Variants in USH2A observed in about 807,000 individuals in gnomAD.
USH2A encodes Usher syndrome 2A (autosomal recessive, mild).
USH2A carries 443 observed loss-of-function variants against 538.9 expected under a neutral mutation model. The observed-to-expected ratio is 0.82, with a 90% CI of 0.76 to 0.89. The LOEUF (loss-of-function observed/expected upper bound fraction) is 0.89, where lower values mean the gene tolerates loss of function less well. USH2A is among the 40% of genes least tolerant of loss of function. The pLI is 0.00. For synonymous variants in USH2A, 2,413 were observed against 2,273.5 expected (o/e 1.06, Z -1.75); for missense variants, 6,633 against 6,324.8 (o/e 1.05, Z -1.65).
At chr1:216,389,208 A>G (rs2039056944) in intron 3 of USH2A, among the ~76,000 whole-genome samples, 1 of 152,192 alleles carries the variant, frequency 6.6e-6, no homozygotes, top group Non-Finnish European at 1.5e-5. Context: ...GTGGGAGCAA[A>G]ACAAAAAAAG....
At chr1:216,214,653 T>C (rs73098629) in intron 15 of USH2A, among the ~76,000 whole-genome samples, 7 of 152,134 alleles carry the variant, frequency 4.6e-5, no homozygotes, top group African/African-American at 1.7e-4. Flanking sequence ...TTTACTAAAA[T>C]CCATCAAACC....
chr1:215,821,194 C>T (rs1415402813), intron 47 of USH2A, among the ~76,000 whole-genome samples: 1 of 151,784 alleles, frequency 6.6e-6, no homozygotes, highest in Admixed American at 6.6e-5. Flanking sequence ...TACAAATTTA[C>T]ATTCCCACCA....
chr1:216,024,139 A>C (rs1223534812), intron 32 of USH2A, among the ~76,000 whole-genome samples: 1 of 152,114 alleles, frequency 6.6e-6, no homozygotes, highest in Non-Finnish European at 1.5e-5. Flanking sequence ...AACTTTAAAT[A>C]ATATTGGATG....
At chr1:216,126,959 T>C (rs373784606) in intron 21 of USH2A, among the ~76,000 whole-genome samples, 1 of 152,210 alleles carries the variant, frequency 6.6e-6, no homozygotes, top group African/African-American at 2.4e-5. Flanking sequence ...GATGATTCCA[T>C]AGAAATTTAT....
intron 44 of USH2A, among the ~76,000 whole-genome samples, chr1:215,853,132 T>A (rs1664062837): frequency 6.6e-6 from 1 of 152,242 alleles, no homozygotes; most frequent in South Asian, 2.1e-4. Flanking sequence ...TATCTGGATA[T>A]CCAGGTGTTT....
At chr1:216,111,340 G>A (rs947522548) in intron 21 of USH2A, among the ~76,000 whole-genome samples, 4 of 152,142 alleles carry the variant, frequency 2.6e-5, no homozygotes, top group African/African-American at 9.7e-5. Context: ...GTTGAGACGA[G>A]GATGAAAGGT....
intron 55 of USH2A, among the ~76,000 whole-genome samples, chr1:215,775,368 A>G (rs1476020653): frequency 1.3e-5 from 2 of 152,160 alleles, no homozygotes; most frequent in Non-Finnish European, 2.9e-5. Flanking sequence ...TGCGATTTAG[A>G]TACGTTTGAC....
intron 32 of USH2A, among the ~76,000 whole-genome samples, chr1:216,011,211 T>A (rs1263072159): frequency 6.6e-6 from 1 of 152,168 alleles, no homozygotes; most frequent in Non-Finnish European, 1.5e-5. Context: ...CTATCCTCAA[T>A]ACCTCCCTCC....
chr1:215,774,746 T>A (rs914240110), intron 55 of USH2A, among the ~76,000 whole-genome samples: 1 of 152,000 alleles, frequency 6.6e-6, no homozygotes, highest in Non-Finnish European at 1.5e-5. Context: ...AAAACAGAAC[T>A]AGTATCTGGC....
intron 21 of USH2A, among the ~76,000 whole-genome samples, chr1:216,111,102 T>A (rs1334501246): frequency 1.3e-5 from 2 of 152,146 alleles, no homozygotes; most frequent in East Asian, 3.9e-4. Context: ...GGCACACTTG[T>A]AATCCCAGCT....
intron 30 of USH2A, among the ~76,000 whole-genome samples, chr1:216,062,384 T>A (rs936321807): frequency 6.6e-6 from 1 of 151,970 alleles, no homozygotes; most frequent in Admixed American, 6.6e-5. Context: ...ACTAGAAGAA[T>A]TAAAAATCAT....
intron 21 of USH2A, among the ~76,000 whole-genome samples, chr1:216,120,299 CCAAGGTGGATGGATCAT>C (rs201785112): frequency 0.015 from 2,231 of 146,744 alleles, 28 homozygotes; most frequent in Non-Finnish European, 0.024. Flanking sequence ...CTTTGGGAGG[CCAAGGTGGATGGATCAT>C]CTGAGGTCAG....
At chr1:215,753,783 C>T (rs982552382) in intron 58 of USH2A, among the ~76,000 whole-genome samples, 1 of 151,872 alleles carries the variant, frequency 6.6e-6, no homozygotes, top group African/African-American at 2.4e-5. Flanking sequence ...GCACGTTGTG[C>T]ACATGTACCC....
intron 39 of USH2A, among the ~76,000 whole-genome samples, chr1:215,900,424 A>G (rs896449686): frequency 2.0e-5 from 3 of 152,166 alleles, no homozygotes; most frequent in African/African-American, 7.2e-5. Flanking sequence ...AAATCCTAGT[A>G]GTATTGAGAC....
chr1:215,884,575 T>A (rs1387826216), intron 41 of USH2A, among the ~76,000 whole-genome samples: 2 of 152,248 alleles, frequency 1.3e-5, no homozygotes, highest in African/African-American at 4.8e-5. Context: ...TAGTAAGAAT[T>A]AAATGAAAGC....
At chr1:216,178,154 T>G (rs1360320409) in intron 20 of USH2A, among the ~76,000 whole-genome samples, 1 of 152,222 alleles carries the variant, frequency 6.6e-6, no homozygotes, top group Non-Finnish European at 1.5e-5. Context: ...GGTTCTATTT[T>G]AACTTTTAGT....
chr1:215,992,978 G>A (rs1668036231), intron 35 of USH2A, 42 bp downstream of exon 35: 1 of 1,613,260 alleles, frequency 6.2e-7, no homozygotes, highest in African/African-American at 1.3e-5. Context: ...ATTTACCTTT[G>A]CTAATCATCT....
At chr1:216,125,699 C>A (rs1221160684) in intron 21 of USH2A, among the ~76,000 whole-genome samples, 4 of 152,072 alleles carry the variant, frequency 2.6e-5, no homozygotes, top group Non-Finnish European at 5.9e-5. Flanking sequence ...AATAAGAAAC[C>A]AAATTTCAGG....
At chr1:216,354,675 A>T (rs1376906102) in intron 4 of USH2A, among the ~76,000 whole-genome samples, 1 of 152,180 alleles carries the variant, frequency 6.6e-6, no homozygotes, top group Non-Finnish European at 1.5e-5. Context: ...TCAAATAGAA[A>T]GTATCCAAAC....
Sources: allele counts gnomAD v4.1 joint callset (sites outside exome capture counted in the v4.1 genomes callset), GRCh38; gene constraint gnomAD v4.1.1; transcripts MANE v1.5; gene names NCBI Gene and HGNC (gene_info 2026-07-23, HGNC 2026-07-21).